ARHGAP15: variants seen among roughly 807,000 people sequenced by gnomAD.
ARHGAP15 encodes Rho GTPase activating protein 15.
ARHGAP15 carries 51 observed loss-of-function variants against 63.7 expected under a neutral mutation model. The observed-to-expected ratio is 0.80, with a 90% CI of 0.64 to 1.01. The LOEUF (loss-of-function observed/expected upper bound fraction) is 1.01. Ranked by LOEUF, ARHGAP15 falls within the 50% of genes least tolerant of loss-of-function variation. The pLI is 0.00. For missense variants in ARHGAP15, 560 were observed against 564.6 expected (o/e 0.99, Z 0.08); for synonymous variants, 191 against 193.8 (o/e 0.99, Z 0.12).
At chr2:143,554,874 A>G (rs1221459009) in intron 10 of ARHGAP15, among the ~76,000 whole-genome samples, 1 of 152,104 alleles carries the variant, frequency 6.6e-6, no homozygotes. Flanking sequence ...AAATATATTG[A>G]TTTTTACAAA....
intron 12 of ARHGAP15, among the ~76,000 whole-genome samples, chr2:143,632,325 T>G (rs1361914756): frequency 6.6e-6 from 1 of 152,074 alleles, no homozygotes; most frequent in Non-Finnish European, 1.5e-5. Context: ...TATAAAACCA[T>G]ATGAACATAT....
chr2:143,351,160 C>G (rs938392070), intron 6 of ARHGAP15: 3 of 152,114 alleles, frequency 2.0e-5, no homozygotes, highest in African/African-American at 7.2e-5. Context: ...CAAAAAGTTA[C>G]GTGCATTAAT....
chr2:143,536,664 G>A (rs1186794525), intron 10 of ARHGAP15, among the ~76,000 whole-genome samples: 2 of 151,478 alleles, frequency 1.3e-5, no homozygotes, highest in Non-Finnish European at 2.9e-5. Flanking sequence ...GAGAATGATG[G>A]TTTCCACCTT....
At chr2:143,375,537 C>T (rs1686769411) in intron 6 of ARHGAP15, among the ~76,000 whole-genome samples, 1 of 152,140 alleles carries the variant, frequency 6.6e-6, no homozygotes, top group African/African-American at 2.4e-5. Flanking sequence ...GTGCGGCTCA[C>T]TCAGCTCACT....
intron 2 of ARHGAP15, among the ~76,000 whole-genome samples, chr2:143,184,826 C>T (rs147460296): frequency 9.1e-4 from 138 of 151,270 alleles, no homozygotes; most frequent in Non-Finnish European, 1.4e-3. Flanking sequence ...AGGTACACCA[C>T]GATGCCCAGC....
At chr2:143,332,310 C>T (rs1320036223) in intron 6 of ARHGAP15, among the ~76,000 whole-genome samples, 1 of 151,868 alleles carries the variant, frequency 6.6e-6, no homozygotes, top group Non-Finnish European at 1.5e-5. Flanking sequence ...AAACAGTCTT[C>T]CTGGGGTCGT....
chr2:143,582,922 A>G (rs927932658), intron 11 of ARHGAP15, among the ~76,000 whole-genome samples: 13 of 152,174 alleles, frequency 8.5e-5, no homozygotes, highest in African/African-American at 2.9e-4. Flanking sequence ...CTTTCATTCT[A>G]CCAAGAACTG....
At chr2:143,524,126 A>T (rs187354169) in intron 10 of ARHGAP15, among the ~76,000 whole-genome samples, 3 of 152,150 alleles carry the variant, frequency 2.0e-5, no homozygotes, top group Non-Finnish European at 4.4e-5. Context: ...TTGCTTAAAG[A>T]TTTAAGAAAG....
At chr2:143,372,919 A>G (rs904089089) in intron 6 of ARHGAP15, among the ~76,000 whole-genome samples, 5 of 151,950 alleles carry the variant, frequency 3.3e-5, no homozygotes, top group Non-Finnish European at 1.5e-5. Flanking sequence ...GACACCTTTT[A>G]AAAGCCTATG....
At chr2:143,585,356 A>G (rs1697071918) in intron 11 of ARHGAP15, among the ~76,000 whole-genome samples, 1 of 152,166 alleles carries the variant, frequency 6.6e-6, no homozygotes, top group Admixed American at 6.6e-5. Flanking sequence ...AAAATATACA[A>G]AGAAAAATTA....
chr2:143,193,979 T>C (rs1691777936), intron 2 of ARHGAP15, among the ~76,000 whole-genome samples: 1 of 152,206 alleles, frequency 6.6e-6, no homozygotes, highest in Non-Finnish European at 1.5e-5. Flanking sequence ...AACATTTTTA[T>C]TTGAGACTGA....
chr2:143,472,065 A>C (rs1270733961), intron 8 of ARHGAP15: 2 of 152,092 alleles, frequency 1.3e-5, no homozygotes, highest in Non-Finnish European at 2.9e-5. Context: ...AATATGTAAA[A>C]GATGTTTCAG....
intron 6 of ARHGAP15, chr2:143,314,561 A>G (rs914776336): frequency 6.6e-6 from 1 of 152,168 alleles, no homozygotes; most frequent in Non-Finnish European, 1.5e-5. Context: ...TTTTATTTTC[A>G]GTTAATAAGA....
At chr2:143,316,418 C>T (rs368961954) in intron 6 of ARHGAP15, among the ~76,000 whole-genome samples, 2 of 151,556 alleles carry the variant, frequency 1.3e-5, no homozygotes, top group Non-Finnish European at 2.9e-5. Flanking sequence ...CTTGTGTGTG[C>T]CCACATCCAA....
At chr2:143,220,682 G>A (rs931386966) in intron 4 of ARHGAP15, among the ~76,000 whole-genome samples, 3 of 152,076 alleles carry the variant, frequency 2.0e-5, no homozygotes, top group Non-Finnish European at 4.4e-5. Flanking sequence ...GAAAAATTAT[G>A]TAGTTTTTAT....
Position 143,250,650 on chromosome 2 carries a change from GCT to G in ARHGAP15, c.474+55_474+56del, listed in dbSNP as rs747184203. The G allele has an allele frequency of 1.2e-5, 18 of 1,475,832 alleles. No homozygotes were observed. In the South Asian group the frequency reaches 1.9e-4, roughly 15 times the overall value. The allele number at this position is 1,475,832 out of a possible 1,614,324, so 91.4% of individuals were successfully genotyped here. On this transcript the variant is annotated intron_variant, in intron 6 of 13. Coordinates refer to ENST00000295095, the MANE Select transcript of ARHGAP15 (RefSeq NM_018460.4). ...TTATTCCTATTCTCTCTAAATCTGAGCTCTCTTGGGTAACTAAAATAAGACTA... is the reference window on the plus strand; with the variant it reads ...TTATTCCTATTCTCTCTAAATCTGAGCTCTTGGGTAACTAAAATAAGACTA...
intron 6 of ARHGAP15, among the ~76,000 whole-genome samples, chr2:143,327,318 G>A (rs531244218): frequency 3.7e-4 from 57 of 152,208 alleles, no homozygotes; most frequent in Admixed American, 9.8e-4. Flanking sequence ...ATTGCTGTAC[G>A]GCCCAAAGTA....
chr2:143,462,766 T>C (rs942460908), intron 8 of ARHGAP15, among the ~76,000 whole-genome samples: 6 of 151,902 alleles, frequency 3.9e-5, no homozygotes, highest in African/African-American at 1.5e-4. Context: ...ACTAGTAAGA[T>C]GTAGTAAGAT....
intron 5 of ARHGAP15, among the ~76,000 whole-genome samples, chr2:143,240,189 CAAAATAAAAT>C (rs148821903): frequency 2.0e-5 from 3 of 149,984 alleles, no homozygotes; most frequent in East Asian, 2.0e-4. Flanking sequence ...AAAAATAAAA[CAAAATAAAAT>C]AAAATAAAAT....
Sources: gnomAD v4.1 joint callset for allele counts (sites outside exome capture counted in the v4.1 genomes callset) on GRCh38, gnomAD v4.1.1 for gene constraint, MANE v1.5 for transcripts, NCBI Gene and HGNC (gene_info 2026-07-23, HGNC 2026-07-21) for gene names.